KCNU1: variants seen among roughly 807,000 people sequenced by gnomAD.
The protein encoded by KCNU1 is potassium channel subfamily U member 1.
A neutral mutation model predicts 126.8 loss-of-function variants in KCNU1; 93 were observed. The ratio of observed to expected loss-of-function variants is 0.73; its 90% CI spans 0.62 to 0.87. The LOEUF is 0.87. Ranked by LOEUF, KCNU1 falls within the 40% of genes least tolerant of loss-of-function variation. KCNU1 has a pLI of 0.00. For missense variants in KCNU1, 1,330 were observed against 1,367.1 expected, an observed-to-expected ratio of 0.97 and a Z score of 0.43; for synonymous variants, 523 against 494.2, an observed-to-expected ratio of 1.06 and a Z score of -0.77.
At chr8:36,821,199 A>G (rs1451404792) in intron 10 of KCNU1, among the ~76,000 whole-genome samples, 1 of 152,250 alleles carries the variant, frequency 6.6e-6, no homozygotes, top group African/African-American at 2.4e-5. Context: ...ATGATGACTC[A>G]GGATCAGAGG....
intron 7 of KCNU1, 78 bp from the exon 8 acceptor site, chr8:36,814,129 C>T (rs1305038752): frequency 1.9e-6 from 2 of 1,061,664 alleles, no homozygotes. Flanking sequence ...TGCAATTAAT[C>T]TAATGTTTTG....
rs745367718 is a variant in KCNU1 at position 36,918,785 on chromosome 8, A to G, written c.2522-38A>G. The G allele has an allele frequency of 2.5e-6, 3 of 1,206,728 alleles. No individual in the cohort carries two copies. The East Asian group carries it at 7.0e-5, about 28-fold the overall frequency. The allele number at this position is 1,206,728 out of a possible 1,614,324, so 74.8% of individuals were successfully genotyped here. A position where few individuals can be genotyped will look rare whatever the true frequency, so the allele number is the denominator to read the frequency against. On this transcript the variant is annotated intron_variant, in intron 22 of 26. Transcript: ENST00000399881. ...ACATTTTTGACAAGTTTTGTAAGGC[A>G]TTGTGTTTGCATTTATCACCTCTTT...
intron 16 of KCNU1, among the ~76,000 whole-genome samples, chr8:36,845,038 C>T (rs10112613): frequency 0.053 from 8,042 of 152,228 alleles, 743 homozygotes; most frequent in African/African-American, 0.18. Flanking sequence ...AAATAATTCA[C>T]ATGCTGTCAA....
Position 36,814,342 on chromosome 8 carries a change from C to A in KCNU1, c.868C>A (p.Arg290=). The change falls in exon 8 of 27, where the codon CGG becomes AGG. Residue 290 remains arginine, a synonymous_variant. Coordinates refer to ENST00000399881, the MANE Select transcript of KCNU1 (RefSeq NM_001031836.3). ...GDVVAKTSLG[R]TFIMFFTLGS... is the part of the protein sequence containing the mutation. ...TGTGGTAGCCAAGACATCCTTAGGA[C>A]GGACCTTCATCATGTTCTTCACACT... 6.2e-7 allele frequency: 1 copy of A among 1,612,214 alleles called. No individual in the cohort carries two copies. Among genetic ancestry groups the A allele is most frequent in the Non-Finnish European group, 8.5e-7 (1 of 1,178,930 alleles).
chr8:36,795,123 A>G (rs1253158845), intron 2 of KCNU1: 1 of 152,210 alleles, frequency 6.6e-6, no homozygotes, highest in Non-Finnish European at 1.5e-5. Flanking sequence ...TGGGTAATAA[A>G]CACATTGCTC....
At chr8:36,881,381 C>T (rs1038636839) in intron 19 of KCNU1, among the ~76,000 whole-genome samples, 6 of 152,078 alleles carry the variant, frequency 3.9e-5, no homozygotes, top group African/African-American at 1.4e-4. Context: ...AGCCACCATG[C>T]CCAGCTAATT....
At chr8:36,883,336 G>A (rs1382204165) in intron 19 of KCNU1, among the ~76,000 whole-genome samples, 1 of 152,122 alleles carries the variant, frequency 6.6e-6, no homozygotes, top group Admixed American at 6.6e-5. Flanking sequence ...ATTCTTTCCA[G>A]GCTAAATCCC....
At chr8:36,817,927 T>C (rs1803981600) in intron 10 of KCNU1, among the ~76,000 whole-genome samples, 167 bp downstream of exon 10, 1 of 152,174 alleles carries the variant, frequency 6.6e-6, no homozygotes, top group Non-Finnish European at 1.5e-5. Flanking sequence ...TCTCTGCAAA[T>C]ATTTTGGAAT....
chr8:36,791,815 T>C (rs1802913473), intron 2 of KCNU1, among the ~76,000 whole-genome samples: 1 of 152,202 alleles, frequency 6.6e-6, no homozygotes, highest in South Asian at 2.1e-4. Context: ...TCATATTTTA[T>C]ATGCATTGTT....
Position 36,787,424 on chromosome 8 carries a change from TG to T in KCNU1, c.315+1del. ...GCCCAGACCTTTGTGGGGCAAGTGT[TG>T]GTAAGTACATTTTCAGTGTTAGCTT... The part of the protein sequence containing the change: ...LSAQTFVGQV[L>X]VILVFVLSIG... On this transcript the variant is annotated frameshift_variant and splice_region_variant, in exon 2 of 27. Transcript: ENST00000399881. LOFTEE classifies it high-confidence loss of function. The T allele has an allele frequency of 6.2e-7, 1 of 1,606,678 alleles. No homozygotes were observed. Among genetic ancestry groups the T allele is most frequent in the South Asian group, 1.1e-5 (1 of 89,526 alleles).
At chr8:36,901,844 C>T (rs1276555314) in intron 19 of KCNU1, among the ~76,000 whole-genome samples, 1 of 152,144 alleles carries the variant, frequency 6.6e-6, no homozygotes, top group Non-Finnish European at 1.5e-5. Flanking sequence ...GCCAGTCTCT[C>T]CTACAAAGCC....
intron 19 of KCNU1, among the ~76,000 whole-genome samples, chr8:36,894,389 C>T (rs1403089228): frequency 1.3e-5 from 2 of 152,034 alleles, no homozygotes; most frequent in Non-Finnish European, 1.5e-5. Flanking sequence ...GTTAGCCAAG[C>T]AAGAGAAGTC....
intron 18 of KCNU1, among the ~76,000 whole-genome samples, chr8:36,862,030 A>G (rs1337925955): frequency 6.6e-6 from 1 of 152,088 alleles, no homozygotes; most frequent in Non-Finnish European, 1.5e-5. Context: ...TTTGGTATCC[A>G]GTGCTTTATC....
intron 20 of KCNU1, among the ~76,000 whole-genome samples, chr8:36,907,170 A>T (rs557869209): frequency 6.6e-6 from 1 of 152,290 alleles, no homozygotes; most frequent in South Asian, 2.1e-4. Flanking sequence ...TAGGAAAGAA[A>T]TATCTGGATT....
intron 6 of KCNU1, 149 bp downstream of exon 6, chr8:36,807,599 A>C (rs1803552372): frequency 1.5e-6 from 1 of 651,432 alleles, no homozygotes; most frequent in Non-Finnish European, 2.7e-6. Flanking sequence ...TTATTTGTTC[A>C]CATTCTCCCA....
chr8:36,820,356 C>A (rs572437071), intron 10 of KCNU1, among the ~76,000 whole-genome samples: 3 of 152,212 alleles, frequency 2.0e-5, no homozygotes, highest in African/African-American at 7.2e-5. Context: ...TTCCTTGGAA[C>A]TGGTGGAGAC....
At chr8:36,796,074 C>T (rs1472285327) in intron 2 of KCNU1, among the ~76,000 whole-genome samples, 1 of 152,142 alleles carries the variant, frequency 6.6e-6, no homozygotes, top group African/African-American at 2.4e-5. Context: ...AAGTAATGCT[C>T]TTATTTTTAT....
At chr8:36,865,383 T>C (rs1193407056) in intron 19 of KCNU1, among the ~76,000 whole-genome samples, 1 of 152,088 alleles carries the variant, frequency 6.6e-6, no homozygotes, top group East Asian at 1.9e-4. Flanking sequence ...AAAATCAGTA[T>C]TTCAAAGACA....
At chr8:36,900,414 G>A (rs1807367411) in intron 19 of KCNU1, among the ~76,000 whole-genome samples, 1 of 131,890 alleles carries the variant, frequency 7.6e-6, no homozygotes, top group Non-Finnish European at 1.8e-5. Flanking sequence ...GCAATGAGAT[G>A]AAATCCAGAA....
Sources: allele counts gnomAD v4.1 joint callset (sites outside exome capture counted in the v4.1 genomes callset), GRCh38; gene constraint gnomAD v4.1.1; transcripts MANE v1.5; gene names NCBI Gene and HGNC (gene_info 2026-07-23, HGNC 2026-07-21).